Variants in MARCHF1 observed in about 807,000 individuals in gnomAD.
MARCHF1 encodes the protein membrane associated ring-CH-type finger 1, also known as E3 ubiquitin-protein ligase MARCHF1.
A neutral mutation model predicts 54.2 loss-of-function variants in MARCHF1; 40 were observed. The observed-to-expected ratio is 0.74, with a 90% CI of 0.57 to 0.96. MARCHF1 has a LOEUF of 0.96. Among genes scored for constraint, MARCHF1 ranks in the 40% least tolerant of loss-of-function variants. MARCHF1 has a pLI of 0.00. For missense variants in MARCHF1, 586 were observed against 656.5 expected, an observed-to-expected ratio of 0.89 and a Z score of 1.17; for synonymous variants, 236 against 236.3, an observed-to-expected ratio of 1.00 and a Z score of 0.01.
In MARCHF1 at chr4:164,124,311, C is replaced by T. The variant is rs191544472; in HGVS notation, c.-322-12649G>A. ...GGTGAGGATGTGGAGAAAAGGGAAC[C>T]TTGGCACACTGTTGGTGGGAATGTA... On this transcript the variant is annotated intron_variant, in intron 1 of 9. Coordinates refer to ENST00000514618, the MANE Select transcript of MARCHF1 (RefSeq NM_001394959.1). Among the ~76,000 whole-genome samples the T allele has an allele frequency of 2.2e-3, 334 of 152,068 alleles. 1 individual carries two copies. Among genetic ancestry groups the T allele is most frequent in the Middle Eastern group, 6.8e-3 (2 of 294 alleles).
At chr4:164,010,112 G>A (rs1753386316) in intron 2 of MARCHF1, among the ~76,000 whole-genome samples, 1 of 138,290 alleles carries the variant, frequency 7.2e-6, no homozygotes, top group Non-Finnish European at 1.5e-5. Flanking sequence ...TGCCATGCAG[G>A]CTGGACTGCA....
chr4:163,546,150 G>T (rs1009166184), intron 8 of MARCHF1, among the ~76,000 whole-genome samples: 5 of 151,890 alleles, frequency 3.3e-5, no homozygotes, highest in African/African-American at 4.8e-5. Context: ...ATTTTTTTAT[G>T]TATTTGTAGA....
intron 3 of MARCHF1, among the ~76,000 whole-genome samples, chr4:163,886,411 G>A (rs1318991130): frequency 2.6e-5 from 4 of 151,762 alleles, no homozygotes; most frequent in African/African-American, 9.7e-5. Flanking sequence ...GGAGATGAAT[G>A]TGTGGCAATT....
chr4:163,790,031 GC>G (rs1434474929), intron 4 of MARCHF1, among the ~76,000 whole-genome samples: 1 of 152,050 alleles, frequency 6.6e-6, no homozygotes, highest in Non-Finnish European at 1.5e-5. Context: ...ATGATAAATA[GC>G]TAAGATCAGG....
At chr4:163,892,192 G>A (rs1037418817) in intron 3 of MARCHF1, among the ~76,000 whole-genome samples, 1 of 152,164 alleles carries the variant, frequency 6.6e-6, no homozygotes, top group Non-Finnish European at 1.5e-5. Flanking sequence ...CCAGTTAACT[G>A]TTCCTCTACT....
intron 4 of MARCHF1, among the ~76,000 whole-genome samples, chr4:163,836,048 T>C (rs1249825072): frequency 6.6e-6 from 1 of 152,058 alleles, no homozygotes. Flanking sequence ...AGGCTGGTGA[T>C]GGGCAACCTG....
At chr4:164,204,740 G>C (rs991984394) in intron 1 of MARCHF1, among the ~76,000 whole-genome samples, 2 of 152,190 alleles carry the variant, frequency 1.3e-5, no homozygotes, top group African/African-American at 2.4e-5. Context: ...TAATGCTGAA[G>C]GTGTCAAAAG....
chr4:163,683,467 G>A lies in MARCHF1; in HGVS notation c.162+17346C>T, dbSNP rs115729007. 5.5e-3 allele frequency among the ~76,000 whole-genome samples: 837 copies of A among 152,210 alleles called. 10 individuals are homozygous for A. The highest frequency in any genetic ancestry group is 0.019 in the African/African-American group (793 of 41,536). ...TTTGGTGGGGATGCAGCCAAACCAC[G>A]TCAATGATCTAGATTTTGGAAGCTG... On this transcript the variant is annotated intron_variant, in intron 5 of 9. Coordinates refer to ENST00000514618, the MANE Select transcript of MARCHF1 (RefSeq NM_001394959.1).
At chr4:163,704,517 T>C (rs1378667553) in intron 4 of MARCHF1, among the ~76,000 whole-genome samples, 2 of 151,814 alleles carry the variant, frequency 1.3e-5, no homozygotes, top group African/African-American at 4.8e-5. Context: ...TTAACAAATA[T>C]GTCCAAGTAG....
intron 4 of MARCHF1, among the ~76,000 whole-genome samples, chr4:163,719,299 C>T (rs182967470): frequency 3.6e-3 from 546 of 151,556 alleles, no homozygotes; most frequent in Admixed American, 5.9e-3. Context: ...TTTGTTCTTG[C>T]GATAGTTTGC....
At chr4:164,045,057 T>C (rs772610570) in intron 2 of MARCHF1, among the ~76,000 whole-genome samples, 2 of 151,956 alleles carry the variant, frequency 1.3e-5, no homozygotes, top group African/African-American at 4.8e-5. Context: ...TTAAAAGTCA[T>C]ACAACTATAC....
At chr4:164,054,176 G>T (rs1268927325) in intron 2 of MARCHF1, among the ~76,000 whole-genome samples, 2 of 151,464 alleles carry the variant, frequency 1.3e-5, no homozygotes, top group Non-Finnish European at 3.0e-5. Context: ...ATGAAAAAAT[G>T]CTCACCATCA....
intron 3 of MARCHF1, among the ~76,000 whole-genome samples, chr4:163,896,691 C>T (rs1365492644): frequency 1.3e-5 from 2 of 152,094 alleles, no homozygotes; most frequent in Non-Finnish European, 2.9e-5. Flanking sequence ...CTGGCAATAT[C>T]CTGGTCAAAA....
intron 2 of MARCHF1, among the ~76,000 whole-genome samples, chr4:164,039,950 A>G (rs1328467261): frequency 6.7e-6 from 1 of 148,268 alleles, no homozygotes; most frequent in Non-Finnish European, 1.5e-5. Flanking sequence ...GGATAAAATA[A>G]ATTTCACCTC....
chr4:164,373,352 C>CTT (rs5863683), intron 1 of MARCHF1, among the ~76,000 whole-genome samples: 2,672 of 91,550 alleles, frequency 0.029, 114 homozygotes, highest in African/African-American at 0.052. Flanking sequence ...TGAAAAACTA[C>CTT]TTTTTTTTTT....
chr4:164,036,892 C>A (rs1322601254), intron 2 of MARCHF1, among the ~76,000 whole-genome samples: 1 of 151,964 alleles, frequency 6.6e-6, no homozygotes, highest in Non-Finnish European at 1.5e-5. Flanking sequence ...ATATGCATAC[C>A]AAATGACTCA....
rs528835577 is a variant in MARCHF1 at position 163,945,667 on chromosome 4, A to T, written c.-39+42834T>A. On this transcript the variant is annotated intron_variant, in intron 3 of 9. Transcript: ENST00000514618. Reference sequence around the variant, plus strand: ...GCATATGAATTTAATTGAAAATTGCATTTCCTCTGTGCACACCTAATTCAT... The same window carrying T: ...GCATATGAATTTAATTGAAAATTGCTTTTCCTCTGTGCACACCTAATTCAT... Among the ~76,000 whole-genome samples, 5 of 152,318 alleles carry T rather than the reference A, an allele frequency of 3.3e-5. No homozygotes were observed. The East Asian group carries it at 9.6e-4, about 29-fold the overall frequency.
intron 4 of MARCHF1, among the ~76,000 whole-genome samples, chr4:163,705,033 G>A (rs1295856011): frequency 6.6e-6 from 1 of 151,298 alleles, no homozygotes. Context: ...AAAACCTAGA[G>A]GAAACACATT....
intron 1 of MARCHF1, among the ~76,000 whole-genome samples, chr4:164,140,755 CACAT>C (rs71913315): frequency 0.2 from 28,886 of 145,368 alleles, 4,403 homozygotes; most frequent in African/African-American, 0.42. Flanking sequence ...CATACACACA[CACAT>C]ACATACATAC....
Sources: allele counts gnomAD v4.1 joint callset (sites outside exome capture counted in the v4.1 genomes callset), GRCh38; gene constraint gnomAD v4.1.1; transcripts MANE v1.5; gene names NCBI Gene and HGNC (gene_info 2026-07-23, HGNC 2026-07-21).